AUTS2: variants seen among roughly 807,000 people sequenced by gnomAD.
AUTS2 encodes the protein autism susceptibility gene 2 protein.
Under a neutral mutation model 112.4 loss-of-function variants are expected in AUTS2, and 17 were observed. The observed-to-expected ratio is 0.15, with a 90% CI of 0.10 to 0.23. AUTS2 has a LOEUF of 0.23. Among genes scored for constraint, AUTS2 ranks in the 10% least tolerant of loss-of-function variants. The pLI is 1.00. For missense variants in AUTS2, 1,510 were observed against 1,701.6 expected (o/e 0.89, Z 1.98); for synonymous variants, 751 against 702.7 (o/e 1.07, Z -1.09).
chr7:70,682,274 C>T (rs184405839), intron 5 of AUTS2, among the ~76,000 whole-genome samples: 66 of 152,204 alleles, frequency 4.3e-4, no homozygotes, highest in Middle Eastern at 6.8e-3. Context: ...TTTATGGGGC[C>T]GTGCTGAAAA....
At chr7:70,463,603 A>G (rs1030008401) in intron 5 of AUTS2, among the ~76,000 whole-genome samples, 10 of 152,132 alleles carry the variant, frequency 6.6e-5, no homozygotes, top group African/African-American at 2.4e-4. Flanking sequence ...CAAGAACCGC[A>G]CTTGTCAATC....
chr7:70,027,986 T>C lies in AUTS2; in HGVS notation c.523-90146T>C, dbSNP rs570905755. 4.6e-5 allele frequency among the ~76,000 whole-genome samples: 7 copies of C among 152,308 alleles called. No individual in the cohort carries two copies. In the South Asian group the frequency reaches 8.3e-4, roughly 18 times the overall value. ...TGGAATTAAGACAGTCATAATGTCC[T>C]TTTGTGGCTTGATCTTGATGAGGTG... On this transcript the variant is annotated intron_variant, in intron 2 of 18. Transcript: ENST00000342771.
At chr7:70,568,928 C>T (rs1409578312) in intron 5 of AUTS2, among the ~76,000 whole-genome samples, 4 of 152,162 alleles carry the variant, frequency 2.6e-5, no homozygotes, top group South Asian at 4.2e-4. Context: ...GTTTTATCAG[C>T]GGAAACCTTG....
intron 1 of AUTS2, among the ~76,000 whole-genome samples, chr7:69,734,478 A>C (rs549713808): frequency 6.6e-6 from 1 of 151,690 alleles, no homozygotes; most frequent in East Asian, 1.9e-4. Flanking sequence ...AGTTTGGATC[A>C]CTGGGATTGA....
intron 2 of AUTS2, among the ~76,000 whole-genome samples, chr7:70,111,142 G>A (rs1373506162): frequency 1.3e-5 from 2 of 151,956 alleles, no homozygotes; most frequent in Admixed American, 1.3e-4. Context: ...GCCTCCCAAA[G>A]TACTGGGATT....
chr7:70,354,046 C>G (rs1471317647), intron 4 of AUTS2, among the ~76,000 whole-genome samples: 4 of 152,246 alleles, frequency 2.6e-5, no homozygotes, highest in Non-Finnish European at 5.9e-5. Flanking sequence ...CCTAAAGCCA[C>G]TGTTCTTGCT....
At chr7:70,403,923 G>A (rs1454396288) in intron 4 of AUTS2, among the ~76,000 whole-genome samples, 1 of 152,178 alleles carries the variant, frequency 6.6e-6, no homozygotes, top group Non-Finnish European at 1.5e-5. Flanking sequence ...CTGATTTGGG[G>A]AAAGGCTTGA....
intron 1 of AUTS2, among the ~76,000 whole-genome samples, chr7:69,843,951 T>C (rs1792088243): frequency 6.6e-6 from 1 of 152,208 alleles, no homozygotes; most frequent in Non-Finnish European, 1.5e-5. Flanking sequence ...GTTCTGCTTT[T>C]CAAGTGGCCT....
Position 70,764,977 on chromosome 7 carries a change from C to T in AUTS2, c.1440C>T (p.Ala480=), listed in dbSNP as rs775766319. 5.0e-6 allele frequency: 8 copies of T among 1,613,782 alleles called. No homozygotes were observed. The highest frequency in any genetic ancestry group is 4.0e-5 in the African/African-American group (3 of 74,916). The change falls in exon 8 of 19, where the codon GCC becomes GCT. Residue 480 remains alanine, a synonymous_variant. Transcript: ENST00000342771. ...PPLTSGSLQV[A]GHPAGSTYSE... Reference sequence around the variant, plus strand: ...TGACATCAGGAAGTCTGCAGGTGGCCGGACACCCGGCCGGGAGCACTTACT... The same window carrying T: ...TGACATCAGGAAGTCTGCAGGTGGCTGGACACCCGGCCGGGAGCACTTACT...
At chr7:70,580,235 T>G (rs1802370504) in intron 5 of AUTS2, among the ~76,000 whole-genome samples, 1 of 152,202 alleles carries the variant, frequency 6.6e-6, no homozygotes, top group African/African-American at 2.4e-5. Flanking sequence ...TGAAAGCCAG[T>G]CTGACTTCAT....
In AUTS2 at chr7:69,714,247, A is replaced by ATGTGTG. The variant is rs1438776720; in HGVS notation, c.309+114286_309+114287insGTGTGT. On this transcript the variant is annotated intron_variant, in intron 1 of 18. Transcript: ENST00000342771. ...CCCAGCTAATTGTGCATGTGTGTGTATATGTGTGTGTGTGTGTGTGTGTGT... is the reference window on the plus strand; with the variant it reads ...CCCAGCTAATTGTGCATGTGTGTGTATGTGTGTATGTGTGTGTGTGTGTGTGTGTGT... Among the ~76,000 whole-genome samples the ATGTGTG allele has an allele frequency of 1.4e-3, 58 of 42,340 alleles. No individual in the cohort carries two copies. In the East Asian group the frequency reaches 0.019, roughly 14 times the overall value. The allele number at this position is 42,340 out of a possible 152,430, so 27.8% of individuals were successfully genotyped here.
At chr7:70,154,863 T>C (rs993080641) in intron 4 of AUTS2, among the ~76,000 whole-genome samples, 3 of 152,164 alleles carry the variant, frequency 2.0e-5, no homozygotes, top group African/African-American at 4.8e-5. Context: ...TTTTCCCTTT[T>C]AGTATTGGAA....
intron 4 of AUTS2, among the ~76,000 whole-genome samples, chr7:70,353,603 G>A (rs1791865053): frequency 6.6e-6 from 1 of 152,126 alleles, no homozygotes; most frequent in Non-Finnish European, 1.5e-5. Flanking sequence ...TCCCCTGAAA[G>A]CCCCCATTAC....
chr7:70,676,920 T>C (rs1807943406), intron 5 of AUTS2, among the ~76,000 whole-genome samples: 1 of 152,216 alleles, frequency 6.6e-6, no homozygotes, highest in Non-Finnish European at 1.5e-5. Context: ...AGTCCTTCTC[T>C]GTTACACTCT....
chr7:70,472,763 G>T (rs1021463759), intron 5 of AUTS2, among the ~76,000 whole-genome samples: 1 of 152,176 alleles, frequency 6.6e-6, no homozygotes, highest in Non-Finnish European at 1.5e-5. Context: ...GATCTGGCCA[G>T]CTCCTGTTCT....
intron 5 of AUTS2, among the ~76,000 whole-genome samples, chr7:70,594,517 G>A (rs991126433): frequency 9.9e-5 from 15 of 152,164 alleles, no homozygotes; most frequent in Admixed American, 7.9e-4. Flanking sequence ...TGAGTGCTGC[G>A]TATTCAAATT....
At chr7:70,052,245 T>C (rs1801788340) in intron 2 of AUTS2, among the ~76,000 whole-genome samples, 1 of 152,122 alleles carries the variant, frequency 6.6e-6, no homozygotes, top group African/African-American at 2.4e-5. Flanking sequence ...GTATAATCCA[T>C]TCATGATAGG....
chr7:69,734,454 C>T (rs1275580731), intron 1 of AUTS2, among the ~76,000 whole-genome samples: 3 of 147,600 alleles, frequency 2.0e-5, no homozygotes, highest in Admixed American at 1.4e-4. Flanking sequence ...GATGAAATTT[C>T]ATTTTCTCAG....
intron 6 of AUTS2, among the ~76,000 whole-genome samples, chr7:70,704,712 C>T (rs1472444063): frequency 6.6e-6 from 1 of 152,214 alleles, no homozygotes; most frequent in Non-Finnish European, 1.5e-5. Flanking sequence ...TCACGCGGGC[C>T]AACCCCAGAC....
Sources: gnomAD v4.1 joint callset for allele counts (sites outside exome capture counted in the v4.1 genomes callset) on GRCh38, gnomAD v4.1.1 for gene constraint, MANE v1.5 for transcripts, NCBI Gene and HGNC (gene_info 2026-07-23, HGNC 2026-07-21) for gene names.